PREP: variants seen among roughly 807,000 people sequenced by gnomAD.
PREP encodes dJ355L5.1 (prolyl endopeptidase).
PREP carries 29 observed loss-of-function variants against 87.6 expected under a neutral mutation model. The observed-to-expected ratio is 0.33, with a 90% CI of 0.25 to 0.45. The LOEUF is 0.45. Ranked by LOEUF, PREP falls within the 20% of genes least tolerant of loss-of-function variation. The probability of loss-of-function intolerance (pLI) is 1.00; values close to 1 mark genes in which losing one functional copy is unlikely to be tolerated. For missense variants in PREP, 695 were observed against 886.5 expected, an observed-to-expected ratio of 0.78 and a Z score of 2.74; for synonymous variants, 337 against 328.6, an observed-to-expected ratio of 1.03 and a Z score of -0.28.
At chr6:105,370,527 T>C (rs957119660) in intron 5 of PREP, among the ~76,000 whole-genome samples, 1 of 152,092 alleles carries the variant, frequency 6.6e-6, no homozygotes, top group South Asian at 2.1e-4. Flanking sequence ...CATGCTCCTT[T>C]ACCCAAAGGA....
chr6:105,319,035 A>G (rs1222886273), intron 10 of PREP, among the ~76,000 whole-genome samples: 3 of 152,350 alleles, frequency 2.0e-5, no homozygotes, highest in Non-Finnish European at 4.4e-5. Context: ...AATCTGAATT[A>G]AAGGGAAAAA....
chr6:105,304,619 C>T (rs1460296095), intron 10 of PREP, among the ~76,000 whole-genome samples: 1 of 152,106 alleles, frequency 6.6e-6, no homozygotes, highest in East Asian at 1.9e-4. Context: ...ATCTATTTGC[C>T]TCTGTATCCA....
rs1242586014 is a variant in PREP, at chr6:105,276,036, G to A, written c.*2108C>T. Among the ~76,000 whole-genome samples, 1 of 152,184 alleles carries A rather than the reference G, an allele frequency of 6.6e-6. No homozygotes were observed. Among genetic ancestry groups the A allele is most frequent in the Non-Finnish European group, 1.5e-5 (1 of 68,034 alleles). On this transcript the variant is annotated 3_prime_UTR_variant, in exon 15 of 15. Transcript: ENST00000652536. ...AGAGTAATCATAAGAAAGAGCCAAAGGGCAGAGCACAGGATACAGAAAAGT... is the reference window on the plus strand; with the variant it reads ...AGAGTAATCATAAGAAAGAGCCAAAAGGCAGAGCACAGGATACAGAAAAGT...
intron 11 of PREP, among the ~76,000 whole-genome samples, chr6:105,287,467 A>G (rs994412452): frequency 2.0e-5 from 3 of 152,220 alleles, no homozygotes; most frequent in Non-Finnish European, 4.4e-5. Context: ...CCTTGCTAAC[A>G]AAAGGATAAA....
intron 2 of PREP, among the ~76,000 whole-genome samples, chr6:105,379,366 C>T (rs1677694873): frequency 6.6e-6 from 1 of 152,214 alleles, no homozygotes; most frequent in Non-Finnish European, 1.5e-5. Context: ...TCATTAAAAA[C>T]ATCAAGGAGG....
In PREP at chr6:105,278,639, T is replaced by C. The variant is rs1177060427; in HGVS notation, c.1839-201A>G. Reference sequence around the variant, plus strand: ...TGGGGAGCTGTGTCATTTATGTGGCTCCAACTTTGAAAGACTGTAGGAAGG... The same window carrying C: ...TGGGGAGCTGTGTCATTTATGTGGCCCCAACTTTGAAAGACTGTAGGAAGG... On this transcript the variant is annotated intron_variant, in intron 14 of 14. Coordinates refer to ENST00000652536, the MANE Select transcript of PREP (RefSeq NM_002726.5). The surrounding 1 kb of genome is among the most constrained non-coding windows in gnomAD (Gnocchi z 4.2). 6.6e-6 allele frequency among the ~76,000 whole-genome samples: 1 copy of C among 152,166 alleles called. No homozygotes were observed. Among genetic ancestry groups the C allele is most frequent in the East Asian group, 1.9e-4 (1 of 5,196 alleles).
intron 6 of PREP, among the ~76,000 whole-genome samples, chr6:105,360,428 C>T (rs1030722208): frequency 3.3e-5 from 5 of 152,146 alleles, no homozygotes; most frequent in African/African-American, 7.2e-5. Context: ...GAAGACGAAA[C>T]CCAGTAACAG....
At chr6:105,388,814 A>G (rs1308017370) in intron 2 of PREP, among the ~76,000 whole-genome samples, 1 of 152,234 alleles carries the variant, frequency 6.6e-6, no homozygotes, top group Non-Finnish European at 1.5e-5. Context: ...TATATGGGAC[A>G]TGAATGAATG....
At chr6:105,352,451 T>C (rs557347116) in intron 7 of PREP, among the ~76,000 whole-genome samples, 1 of 152,332 alleles carries the variant, frequency 6.6e-6, no homozygotes, top group Non-Finnish European at 1.5e-5. Context: ...ACTCTACTGA[T>C]TACGTTAATC....
At chr6:105,323,109 G>A in intron 10 of PREP, 1 of 1,304,138 alleles carries the variant, frequency 7.7e-7, no homozygotes, top group Non-Finnish European at 1.0e-6. Flanking sequence ...TACCCTTGGG[G>A]AGCTGAAAAA....
chr6:105,275,884 G>A lies in PREP; in HGVS notation c.*2260C>T, dbSNP rs1159411622. Among the ~76,000 whole-genome samples the A allele has an allele frequency of 6.6e-6, 1 of 152,202 alleles. No homozygotes were observed. The highest frequency in any genetic ancestry group is 1.5e-5 in the Non-Finnish European group (1 of 68,044). ...CACTCATGTGGGAGCTAAAAAAGCA[G>A]GCAGAGAAAGGGAGGATGAAGAGAT... is the stretch of plus-strand genomic sequence containing the variant. On this transcript the variant is annotated 3_prime_UTR_variant, in exon 15 of 15. Coordinates refer to ENST00000652536, the MANE Select transcript of PREP (RefSeq NM_002726.5).
chr6:105,373,060 G>A (rs1344061388), intron 5 of PREP, among the ~76,000 whole-genome samples: 1 of 152,220 alleles, frequency 6.6e-6, no homozygotes, highest in Admixed American at 6.5e-5. Context: ...GCCCAGAAAT[G>A]TAAAAGAGCC....
intron 9 of PREP, among the ~76,000 whole-genome samples, chr6:105,324,952 G>C (rs1583056199): frequency 6.6e-6 from 1 of 152,310 alleles, no homozygotes; most frequent in African/African-American, 2.4e-5. Context: ...TGTATAACAT[G>C]ACTCAAGTAT....
chr6:105,381,271 C>T lies in PREP; in HGVS notation c.121-3752G>A, dbSNP rs112150668. 7.6e-3 allele frequency among the ~76,000 whole-genome samples: 1,156 copies of T among 152,186 alleles called. 14 individuals are homozygous for T. The highest frequency in any genetic ancestry group is 0.025 in the African/African-American group (1,042 of 41,498). On this transcript the variant is annotated intron_variant, in intron 2 of 14. Coordinates refer to ENST00000652536, the MANE Select transcript of PREP (RefSeq NM_002726.5). ...TTATAACTCGGGCAAATCCTTTTCA[C>T]GAAGGTGGTAGAAAATTTCTGTAAA...
intron 8 of PREP, among the ~76,000 whole-genome samples, chr6:105,329,623 G>A (rs1254202640): frequency 2.0e-5 from 3 of 152,192 alleles, no homozygotes; most frequent in East Asian, 3.9e-4. Context: ...TCATGCTATA[G>A]GAGCTATAAG....
At chr6:105,385,777 T>G (rs988215491) in intron 2 of PREP, among the ~76,000 whole-genome samples, 2 of 152,214 alleles carry the variant, frequency 1.3e-5, no homozygotes, top group Non-Finnish European at 2.9e-5. Flanking sequence ...AACAATTATA[T>G]GAGGTGGTTT....
chr6:105,299,383 G>C (rs1306318138), intron 10 of PREP, among the ~76,000 whole-genome samples: 1 of 152,206 alleles, frequency 6.6e-6, no homozygotes, highest in Non-Finnish European at 1.5e-5. Flanking sequence ...CAGATCACTT[G>C]AGGACAGGAG....
intron 10 of PREP, among the ~76,000 whole-genome samples, chr6:105,300,511 G>A (rs984846968): frequency 1.3e-5 from 2 of 151,990 alleles, no homozygotes; most frequent in South Asian, 4.1e-4. Flanking sequence ...AACTTTTTAA[G>A]TAATCAATTA....
chr6:105,397,375 C>T (rs1773313730), intron 2 of PREP, among the ~76,000 whole-genome samples: 1 of 152,128 alleles, frequency 6.6e-6, no homozygotes, highest in Non-Finnish European at 1.5e-5. Flanking sequence ...CTCCCCCCTG[C>T]CCCTTCACTA....
Sources: gnomAD v4.1 joint callset for allele counts (sites outside exome capture counted in the v4.1 genomes callset) on GRCh38, gnomAD v4.1.1 for gene constraint, Gnocchi (gnomAD v3.1) non-coding constraint, MANE v1.5 for transcripts, NCBI Gene and HGNC (gene_info 2026-07-23, HGNC 2026-07-21) for gene names.